Variants in PLEKHG7 observed in about 807,000 individuals in gnomAD.
PLEKHG7 encodes the protein pleckstrin homology and RhoGEF domain containing G7, also known as pleckstrin homology domain-containing family G member 7.
Under a neutral mutation model 85.2 loss-of-function variants are expected in PLEKHG7, and 77 were observed. The observed-to-expected ratio is 0.90, with a 90% CI of 0.75 to 1.09. PLEKHG7 has a LOEUF of 1.09. Ranked by LOEUF, PLEKHG7 falls within the 50% of genes least tolerant of loss-of-function variation. The pLI is 0.00. For missense variants in PLEKHG7, 777 were observed against 804.3 expected (o/e 0.97, Z 0.41); for synonymous variants, 301 against 302.4 (o/e 1.00, Z 0.05).
chr12:92,737,732 G>A (rs1035987766), intron 7 of PLEKHG7, among the ~76,000 whole-genome samples: 1 of 112,040 alleles, frequency 8.9e-6, no homozygotes, highest in Admixed American at 9.4e-5. Context: ...AAGGAAGGAG[G>A]GAGGAAGGGA....
chr12:92,725,847 G>A (rs2136587391), intron 3 of PLEKHG7, among the ~76,000 whole-genome samples: 1 of 152,244 alleles, frequency 6.6e-6, no homozygotes, highest in South Asian at 2.1e-4. Context: ...CCTATATCAA[G>A]TTACTTATAA....
rs557841975 is a variant in PLEKHG7, at chr12:92,756,114, G to C, written c.1542+174G>C. 1.1e-4 allele frequency among the ~76,000 whole-genome samples: 16 copies of C among 152,274 alleles called. No individual in the cohort carries two copies. In the South Asian group the frequency reaches 3.3e-3, roughly 32 times the overall value. ...CATTGTATGCGGGGAGGCTGAGGTC[G>C]CTGTGCCATTCTTATGATGGTCCTT... On this transcript the variant is annotated intron_variant, in intron 12 of 16. Transcript: ENST00000344636.
At chr12:92,768,657 C>CA (rs1159714944) in intron 15 of PLEKHG7, among the ~76,000 whole-genome samples, 1 of 151,930 alleles carries the variant, frequency 6.6e-6, no homozygotes, top group East Asian at 1.9e-4. Flanking sequence ...TTTTCATACA[C>CA]AAAAAAATCT....
intron 3 of PLEKHG7, 145 bp from the exon 4 acceptor site, chr12:92,728,848 T>C (rs1188477978): frequency 2.3e-5 from 13 of 565,066 alleles, no homozygotes; most frequent in Non-Finnish European, 3.4e-5. Context: ...GTTGAACTAA[T>C]TCACATTCCC....
intron 3 of PLEKHG7, among the ~76,000 whole-genome samples, chr12:92,716,550 C>T (rs79582374): frequency 0.018 from 2,738 of 152,242 alleles, 97 homozygotes; most frequent in African/African-American, 0.062. Flanking sequence ...TTTAAGTGAA[C>T]TCATACTCAC....
chr12:92,758,398 G>A (rs1872894901), intron 13 of PLEKHG7, among the ~76,000 whole-genome samples: 2 of 152,222 alleles, frequency 1.3e-5, no homozygotes, highest in African/African-American at 2.4e-5. Flanking sequence ...GTATCTGAAA[G>A]TTTTGTTGAT....
Position 92,755,502 on chromosome 12 carries a change from T to C in PLEKHG7, c.1427-323T>C, listed in dbSNP as rs1278169309. Among the ~76,000 whole-genome samples, 6 of 152,068 alleles carry C rather than the reference T, an allele frequency of 3.9e-5. No homozygotes were observed. The South Asian group carries it at 1.2e-3, about 32-fold the overall frequency. ...GTTAGTCTGATTTTTTTTTTCCTCC[T>C]CTAATTATAGGCTGTGTGGTCTAGG... On this transcript the variant is annotated intron_variant, in intron 11 of 16. Coordinates refer to ENST00000344636, the MANE Select transcript of PLEKHG7 (RefSeq NM_001377329.1).
In PLEKHG7 at chr12:92,771,487, A is replaced by G. The variant is rs2136640740; in HGVS notation, c.*1292A>G. ...AATAATGTCAGAAATTTAATAGAAG[A>G]AAAAAAGGAAAATCTGGAGGACAGT... On this transcript the variant is annotated 3_prime_UTR_variant, in exon 17 of 17. Transcript: ENST00000344636. 6.6e-6 allele frequency: 1 copy of G among 152,144 alleles called. No homozygotes were observed. Among genetic ancestry groups the G allele is most frequent in the East Asian group, 1.9e-4 (1 of 5,190 alleles). The allele number at this position is 152,144 out of a possible 1,614,324, so 9.4% of individuals were successfully genotyped here.
intron 10 of PLEKHG7, among the ~76,000 whole-genome samples, chr12:92,750,413 C>A (rs1440904813): frequency 6.6e-6 from 1 of 152,210 alleles, no homozygotes; most frequent in Admixed American, 6.5e-5. Context: ...ACAAATGCTT[C>A]CAACATCCCT....
intron 6 of PLEKHG7, among the ~76,000 whole-genome samples, 200 bp from the exon 7 acceptor site, chr12:92,737,178 A>G (rs1178412840): frequency 6.6e-6 from 1 of 152,226 alleles, no homozygotes; most frequent in Non-Finnish European, 1.5e-5. Flanking sequence ...AGGAATTGGC[A>G]TCCCGGAGCC....
At chr12:92,721,928 A>T (rs1871660518) in intron 3 of PLEKHG7, among the ~76,000 whole-genome samples, 1 of 151,990 alleles carries the variant, frequency 6.6e-6, no homozygotes. Context: ...TCCTCTTCAC[A>T]CTGGGCACCC....
At chr12:92,753,307 G>A (rs948812927) in intron 10 of PLEKHG7, among the ~76,000 whole-genome samples, 1 of 152,036 alleles carries the variant, frequency 6.6e-6, no homozygotes, top group African/African-American at 2.4e-5. Context: ...TAAAGCCAGA[G>A]CCCCTTACGT....
intron 3 of PLEKHG7, among the ~76,000 whole-genome samples, chr12:92,725,354 G>C (rs1871763213): frequency 6.6e-6 from 1 of 152,146 alleles, no homozygotes; most frequent in African/African-American, 2.4e-5. Flanking sequence ...TGTTTATCTG[G>C]TATGAGAATC....
chr12:92,736,702 C>T (rs905550872), intron 6 of PLEKHG7, 125 bp downstream of exon 6: 1 of 503,060 alleles, frequency 2.0e-6, no homozygotes, highest in African/African-American at 2.0e-5. Flanking sequence ...GAGCAAAATG[C>T]AAGAGAGGAA....
chr12:92,741,116 C>T (rs552050792), intron 8 of PLEKHG7, among the ~76,000 whole-genome samples, 168 bp downstream of exon 8: 1 of 152,284 alleles, frequency 6.6e-6, no homozygotes, highest in African/African-American at 2.4e-5. Context: ...ATGCCTTTCC[C>T]ATAAATTGTA....
At chr12:92,723,160 T>C (rs1871693342) in intron 3 of PLEKHG7, among the ~76,000 whole-genome samples, 1 of 152,220 alleles carries the variant, frequency 6.6e-6, no homozygotes, top group African/African-American at 2.4e-5. Context: ...CAGCTAGCTA[T>C]TCTTGGAGTA....
At chr12:92,768,186 G>A (rs1433932455) in intron 15 of PLEKHG7, among the ~76,000 whole-genome samples, 2 of 151,282 alleles carry the variant, frequency 1.3e-5, no homozygotes, top group Admixed American at 6.6e-5. Flanking sequence ...CAGCCCGGGC[G>A]ACAGTGAGAG....
intron 10 of PLEKHG7, among the ~76,000 whole-genome samples, chr12:92,751,148 G>A (rs1872681086): frequency 6.6e-6 from 1 of 152,158 alleles, no homozygotes; most frequent in Non-Finnish European, 1.5e-5. Context: ...TTACAACAGA[G>A]CATTGTAGAA....
chr12:92,721,328 C>T (rs1871634868), intron 3 of PLEKHG7: 3 of 576,254 alleles, frequency 5.2e-6, no homozygotes, highest in African/African-American at 3.9e-5. Flanking sequence ...GCACGGCCTG[C>T]TCAGCAGTGG....
Sources: gnomAD v4.1 joint callset for allele counts (sites outside exome capture counted in the v4.1 genomes callset) on GRCh38, gnomAD v4.1.1 for gene constraint, MANE v1.5 for transcripts, NCBI Gene and HGNC (gene_info 2026-07-23, HGNC 2026-07-21) for gene names.